LPCAT1: variants seen among roughly 807,000 people sequenced by gnomAD.
The protein encoded by LPCAT1 is 1-acylglycerol-3-phosphate O-acyltransferase.
In LPCAT1, 23 loss-of-function variants were observed where a neutral mutation model predicts 60.9. That is an observed-to-expected ratio of 0.38 (90% CI 0.27 to 0.53). The LOEUF is 0.53. Among genes scored for constraint, LPCAT1 ranks in the 20% least tolerant of loss-of-function variants. The pLI is 0.82. For synonymous variants in LPCAT1, 340 were observed against 301.1 expected (o/e 1.13, Z -1.34); for missense variants, 622 against 723.6 (o/e 0.86, Z 1.61).
chr5:1,485,886 C>T (rs1374132243), intron 5 of LPCAT1, among the ~76,000 whole-genome samples: 2 of 152,250 alleles, frequency 1.3e-5, no homozygotes, highest in Admixed American at 6.5e-5. Context: ...GTGAGAGCTG[C>T]GTCCACTTCC....
intron 13 of LPCAT1, among the ~76,000 whole-genome samples, chr5:1,466,471 C>G (rs1265046766): frequency 2.0e-5 from 3 of 152,208 alleles, no homozygotes; most frequent in Non-Finnish European, 4.4e-5. Context: ...CACCTGAATC[C>G]CAGCCTGAGG....
At chr5:1,518,119 A>G (rs1193475202) in intron 1 of LPCAT1, among the ~76,000 whole-genome samples, 1 of 152,152 alleles carries the variant, frequency 6.6e-6, no homozygotes, top group Non-Finnish European at 1.5e-5. Context: ...TCTCGAGCCC[A>G]CCCACTCCTG....
chr5:1,476,321 T>C lies in LPCAT1; in HGVS notation c.899+1083A>G, dbSNP rs1734916086. Among the ~76,000 whole-genome samples the C allele has an allele frequency of 6.6e-6, 1 of 152,000 alleles. No homozygotes were observed. The highest frequency in any genetic ancestry group is 3.4e-3 in the Middle Eastern group (1 of 294). The stretch of plus-strand genomic sequence containing the variant: ...AGAGCTGCCTGTGGTGGGGGTTGAG[T>C]GGAGCTTTGCGGGACAGAGACTGCC... On this transcript the variant is annotated intron_variant, in intron 9 of 13. Coordinates refer to ENST00000283415, the MANE Select transcript of LPCAT1 (RefSeq NM_024830.5). The surrounding 1 kb of genome is among the most constrained non-coding windows in gnomAD (Gnocchi z 8.6).
intron 12 of LPCAT1, among the ~76,000 whole-genome samples, chr5:1,468,586 G>A (rs1203462706): frequency 1.3e-5 from 2 of 152,224 alleles, no homozygotes; most frequent in East Asian, 3.8e-4. Context: ...TAGGACTGAG[G>A]CTACCACAGG....
At chr5:1,498,103 T>C (rs992141766) in intron 2 of LPCAT1, among the ~76,000 whole-genome samples, 1 of 152,248 alleles carries the variant, frequency 6.6e-6, no homozygotes, top group African/African-American at 2.4e-5. Context: ...TCAGCAAAAA[T>C]GCTTTAACTC....
rs1450811227 is a variant in LPCAT1 at position 1,461,849 on chromosome 5, T to C, written c.*1802A>G. On this transcript the variant is annotated 3_prime_UTR_variant, in exon 14 of 14. Coordinates refer to ENST00000283415, the MANE Select transcript of LPCAT1 (RefSeq NM_024830.5). ...ATCTTAGTTTATTTACCTCCTTCAT[T>C]GGCCATTTGCAGGCTCTTCTCCTTG... 6.6e-6 allele frequency: 1 copy of C among 152,618 alleles called. No individual in the cohort carries two copies. The highest frequency in any genetic ancestry group is 2.4e-5 in the African/African-American group (1 of 41,448). 9.5% of individuals were successfully genotyped at this position (152,618 alleles called of 1,614,324 possible). A position where few individuals can be genotyped will look rare whatever the true frequency, so the allele number is the denominator to read the frequency against.
In LPCAT1 at chr5:1,483,699, C is replaced by T. The variant is rs753754415; in HGVS notation, c.668-213G>A. ...GATGGGCAGGAACATCGGCCAGGGG[C>T]GCTCCCCGGCCAAGGAACACTTTCT... On this transcript the variant is annotated intron_variant, in intron 5 of 13. Coordinates refer to ENST00000283415, the MANE Select transcript of LPCAT1 (RefSeq NM_024830.5). The surrounding 1 kb of genome is among the most constrained non-coding windows in gnomAD (Gnocchi z 9.2). 1.1e-4 allele frequency among the ~76,000 whole-genome samples: 17 copies of T among 152,214 alleles called. No homozygotes were observed. Among genetic ancestry groups the T allele is most frequent in the South Asian group, 8.3e-4 (4 of 4,834 alleles).
chr5:1,479,758 C>A, intron 7 of LPCAT1, 83 bp from the exon 8 acceptor site: 1 of 1,066,686 alleles, frequency 9.4e-7, no homozygotes, highest in South Asian at 1.3e-5. Flanking sequence ...GGTGAAACCT[C>A]CAGACGCGCC....
rs267600508 is a variant in LPCAT1, at chr5:1,494,740, G to A, written c.453C>T (p.Ile151=). 137 of 1,614,070 alleles carry A rather than the reference G, an allele frequency of 8.5e-5. 1 individual carries two copies. In the South Asian group the frequency reaches 1.3e-3, roughly 15 times the overall value. Residue 151 remains isoleucine, a synonymous_variant, in exon 3 of 14, where the codon ATC becomes ATT. Transcript: ENST00000283415. Reference sequence around the variant, plus strand: ...TGTCTCTGCTCTCTGCCTTCATCACGATGGAGGACATCGTCATGGTCACAG... The same window carrying A: ...TGTCTCTGCTCTCTGCCTTCATCACAATGGAGGACATCGTCATGGTCACAG... ...AIPVTMTMSS[I]VMKAESRDIP...
chr5:1,471,697 G>A (rs1434639719), intron 11 of LPCAT1, among the ~76,000 whole-genome samples: 2 of 151,950 alleles, frequency 1.3e-5, no homozygotes, highest in East Asian at 3.9e-4. Context: ...GAGAGCAGCA[G>A]GAGCATCCAG....
At chr5:1,465,360 A>G (rs946881274) in intron 13 of LPCAT1, among the ~76,000 whole-genome samples, 20 of 146,276 alleles carry the variant, frequency 1.4e-4, no homozygotes, top group African/African-American at 4.9e-4. Context: ...ATGCGCACGC[A>G]CAAGTGCACG....
intron 3 of LPCAT1, among the ~76,000 whole-genome samples, chr5:1,492,355 A>G (rs536621796): frequency 4.9e-5 from 7 of 142,916 alleles, no homozygotes; most frequent in African/African-American, 1.4e-4. Flanking sequence ...CTGAGCTGGG[A>G]CCTGGGGAGA....
chr5:1,470,519 G>C (rs891708498), intron 12 of LPCAT1, among the ~76,000 whole-genome samples: 1 of 152,178 alleles, frequency 6.6e-6, no homozygotes, highest in Non-Finnish European at 1.5e-5. Context: ...TGTGGCCCCT[G>C]TGTTAGGTGC....
At chr5:1,501,175 A>AG (rs1378228077) in intron 2 of LPCAT1, among the ~76,000 whole-genome samples, 3 of 152,202 alleles carry the variant, frequency 2.0e-5, no homozygotes, top group African/African-American at 7.2e-5. Flanking sequence ...GCTACGGTGT[A>AG]GGGGGGTCTC....
Position 1,523,549 on chromosome 5 carries a change from C to T in LPCAT1, c.135+161G>A, listed in dbSNP as rs531470810. ...AGGCATCGGGTGCGGGCGGCGGGGA[C>T]GCGAACTGAGGGGCGGCCGCGGGGA... On this transcript the variant is annotated intron_variant, in intron 1 of 13. Transcript: ENST00000283415. The surrounding 1 kb of genome is among the most constrained non-coding windows in gnomAD (Gnocchi z 7.1). 1.3e-5 allele frequency among the ~76,000 whole-genome samples: 2 copies of T among 150,524 alleles called. No individual in the cohort carries two copies. Among genetic ancestry groups the T allele is most frequent in the Non-Finnish European group, 3.0e-5 (2 of 67,416 alleles).
chr5:1,501,427 C>CA (rs542603212), intron 2 of LPCAT1, 34 bp downstream of exon 2: 1 of 1,580,138 alleles, frequency 6.3e-7, no homozygotes, highest in Non-Finnish European at 8.6e-7. Context: ...GTGACCCCCC[C>CA]CCAGGAGGAG....
intron 3 of LPCAT1, among the ~76,000 whole-genome samples, chr5:1,490,696 C>T (rs1735544161): frequency 6.6e-6 from 1 of 152,220 alleles, no homozygotes; most frequent in Non-Finnish European, 1.5e-5. Context: ...GTACAAGGGA[C>T]ACCCCGCCAT....
At chr5:1,466,208 C>A (rs533739681) in intron 13 of LPCAT1, among the ~76,000 whole-genome samples, 23 of 152,330 alleles carry the variant, frequency 1.5e-4, no homozygotes, top group South Asian at 1.4e-3. Context: ...AAAATATCAA[C>A]CGCCATTACC....
rs961857560 is a variant in LPCAT1 at position 1,474,527 on chromosome 5, C to T, written c.1025+33G>A. ...CAGACCTCGGCATCACGGGTTCTAGCTAATGCTCAAGGAAGAAGAACCAGG... is the reference window on the plus strand; with the variant it reads ...CAGACCTCGGCATCACGGGTTCTAGTTAATGCTCAAGGAAGAAGAACCAGG... On this transcript the variant is annotated intron_variant, in intron 10 of 13. Transcript: ENST00000283415. 6.2e-6 allele frequency: 10 copies of T among 1,611,450 alleles called. No individual in the cohort carries two copies. In the Admixed American group the frequency reaches 1.0e-4, roughly 16 times the overall value.
Sources: gnomAD v4.1 joint callset for allele counts (sites outside exome capture counted in the v4.1 genomes callset) on GRCh38, gnomAD v4.1.1 for gene constraint, Gnocchi (gnomAD v3.1) non-coding constraint, MANE v1.5 for transcripts, NCBI Gene and HGNC (gene_info 2026-07-23, HGNC 2026-07-21) for gene names.